LIMS4: variants seen among roughly 807,000 people sequenced by gnomAD.
The protein encoded by LIMS4 is LIM and senescent cell antigen-like-containing domain protein 4.
chr2:110,359,689 G>C, the LIMS4 span, among the ~76,000 whole-genome samples: 3 of 99,414 alleles, frequency 3.0e-5, no homozygotes, highest in Admixed American at 1.3e-4. Context: ...AGAAATACTT[G>C]ATATTCTTAG....
At chr2:110,425,117 A>ATGGTC in the LIMS4 span, among the ~76,000 whole-genome samples, 2 of 142,430 alleles carry the variant, frequency 1.4e-5, 1 homozygote, top group Admixed American at 1.4e-4. Flanking sequence ...CCATGGCTTC[A>ATGGTC]TTCTCGAAGA....
At chr2:110,368,865 A>G in the LIMS4 span, among the ~76,000 whole-genome samples, 1 of 143,768 alleles carries the variant, frequency 7.0e-6, no homozygotes, top group South Asian at 2.3e-4. Context: ...GCTCAAATAA[A>G]CTCTGCTAAA....
chr2:110,360,961 G>A, the LIMS4 span: 48 of 1,571,342 alleles, frequency 3.1e-5, 2 homozygotes, highest in Middle Eastern at 6.8e-4. Flanking sequence ...GCAGGTTTTC[G>A]GTGGTGAAGC....
the LIMS4 span, among the ~76,000 whole-genome samples, chr2:110,390,819 G>T: frequency 6.6e-6 from 1 of 152,324 alleles, no homozygotes; most frequent in Non-Finnish European, 1.5e-5. Context: ...ATATGGTATG[G>T]TCCCTGCCCT....
chr2:110,388,020 G>GT, the LIMS4 span: 1 of 142,728 alleles, frequency 7.0e-6, no homozygotes, highest in East Asian at 2.0e-4. Flanking sequence ...TTTGGTCATC[G>GT]TAAGTTGTAT....
chr2:110,367,002 G>C, the LIMS4 span, among the ~76,000 whole-genome samples: 1 of 150,110 alleles, frequency 6.7e-6, no homozygotes, highest in Non-Finnish European at 1.5e-5. Context: ...GGAATAAAGG[G>C]AACCAGGGAG....
At chr2:110,395,841 G>A in the LIMS4 span, among the ~76,000 whole-genome samples, 1 of 123,210 alleles carries the variant, frequency 8.1e-6, no homozygotes, top group Non-Finnish European at 1.6e-5. Flanking sequence ...CTCACCCAGG[G>A]CCTGCACCCT....
chr2:110,367,647 C>T, the LIMS4 span, among the ~76,000 whole-genome samples: 2 of 145,278 alleles, frequency 1.4e-5, no homozygotes, highest in Non-Finnish European at 3.0e-5. Flanking sequence ...GAGGCCAAGG[C>T]AGGTGGATCA....
chr2:110,366,979 A>G, the LIMS4 span, among the ~76,000 whole-genome samples: 10 of 149,320 alleles, frequency 6.7e-5, no homozygotes, highest in African/African-American at 1.5e-4. Context: ...ACACACACAC[A>G]CACAAATACC....
the LIMS4 span, among the ~76,000 whole-genome samples, chr2:110,367,888 G>GA: frequency 1.4e-5 from 2 of 141,388 alleles, no homozygotes; most frequent in Non-Finnish European, 3.0e-5. Context: ...TCTCAAAAAA[G>GA]AAAAAAAATT....
chr2:110,385,235 A>G, the LIMS4 span, among the ~76,000 whole-genome samples: 5 of 151,110 alleles, frequency 3.3e-5, no homozygotes, highest in African/African-American at 1.2e-4. Flanking sequence ...ACAAATAAAT[A>G]AAAGCTCTAG....
the LIMS4 span, chr2:110,376,077 C>G: frequency 9.2e-6 from 1 of 108,462 alleles, no homozygotes; most frequent in African/African-American, 6.0e-5. Context: ...TCTAGGGGCT[C>G]CAGCTTCTAG....
chr2:110,367,992 A>T, the LIMS4 span, among the ~76,000 whole-genome samples: 1 of 145,586 alleles, frequency 6.9e-6, no homozygotes, highest in African/African-American at 2.7e-5. Context: ...CAATTTAGAA[A>T]CTTTTTCAAA....
chr2:110,361,884 G>A, the LIMS4 span: 6 of 1,317,524 alleles, frequency 4.6e-6, no homozygotes, highest in South Asian at 1.2e-5. Context: ...GGACAAATAG[G>A]ACACTTGTAG....
chr2:110,360,628 C>G, the LIMS4 span: 1 of 1,379,320 alleles, frequency 7.2e-7, no homozygotes, highest in Non-Finnish European at 1.0e-6. Context: ...TGAGCTCATC[C>G]TTTTGGATTT....
chr2:110,425,192 T>C, the LIMS4 span, among the ~76,000 whole-genome samples: 1 of 143,216 alleles, frequency 7.0e-6, no homozygotes, highest in East Asian at 2.0e-4. Context: ...AAGAGTTTGA[T>C]ACCTGCCTAG....
downstream of LIMS4, among the ~76,000 whole-genome samples, chr2:110,442,610 T>C (rs1355591738): frequency 6.9e-6 from 1 of 144,974 alleles, no homozygotes; most frequent in African/African-American, 2.7e-5. Context: ...AATCACCCAG[T>C]CTCTCTGAGC....
chr2:110,359,421 T>C, the LIMS4 span, among the ~76,000 whole-genome samples: 13 of 56,586 alleles, frequency 2.3e-4, no homozygotes, highest in African/African-American at 7.3e-4. Flanking sequence ...AGAGTACCTC[T>C]ACTGCATTTT....
chr2:110,392,909 A>ACC, the LIMS4 span, among the ~76,000 whole-genome samples: 1 of 61,226 alleles, frequency 1.6e-5, no homozygotes. Context: ...GCTTACAGAG[A>ACC]CCCCCCCTAG....
Sources: gnomAD v4.1 joint callset for allele counts (sites outside exome capture counted in the v4.1 genomes callset) on GRCh38, gnomAD v4.1.1 for gene constraint, MANE v1.5 for transcripts, NCBI Gene and HGNC (gene_info 2026-07-23, HGNC 2026-07-21) for gene names.